MAF: variants seen among roughly 807,000 people sequenced by gnomAD.
The protein encoded by MAF is MAF bZIP transcription factor.
A neutral mutation model predicts 22.0 loss-of-function variants in MAF; 10 were observed. That is an observed-to-expected ratio of 0.45 (90% CI 0.28 to 0.77). The LOEUF (loss-of-function observed/expected upper bound fraction) is 0.77, where lower values mean the gene tolerates loss of function less well. Ranked by LOEUF, MAF falls within the 30% of genes least tolerant of loss-of-function variation. MAF has a pLI of 0.12. For missense variants in MAF, 544 were observed against 548.4 expected (o/e 0.99, Z 0.08); for synonymous variants, 337 against 255.8 (o/e 1.32, Z -3.03).
chr16:79,493,142 T>TG, the MAF span, among the ~76,000 whole-genome samples: 454 of 122,750 alleles, frequency 3.7e-3, 3 homozygotes, highest in African/African-American at 0.023. Flanking sequence ...GTTTTTTTTT[T>TG]GTTTTGTTTT....
the MAF span, among the ~76,000 whole-genome samples, chr16:79,331,794 G>C: frequency 6.6e-6 from 1 of 152,038 alleles, no homozygotes; most frequent in Non-Finnish European, 1.5e-5. Flanking sequence ...CCTCCATTCA[G>C]AACCCACACT....
chr16:79,427,897 G>C, the MAF span, among the ~76,000 whole-genome samples: 2 of 151,948 alleles, frequency 1.3e-5, no homozygotes, highest in Admixed American at 6.6e-5. Flanking sequence ...TGGAACCTAG[G>C]GGATGCTTAA....
the MAF span, among the ~76,000 whole-genome samples, chr16:79,361,663 G>C: frequency 2.2e-3 from 339 of 152,106 alleles, 1 homozygote; most frequent in Non-Finnish European, 3.4e-3. Flanking sequence ...GAGAAATTAC[G>C]TCTGCACGAA....
At chr16:79,375,658 TC>T in the MAF span, among the ~76,000 whole-genome samples, 1 of 152,198 alleles carries the variant, frequency 6.6e-6, no homozygotes, top group Non-Finnish European at 1.5e-5. Flanking sequence ...CCCAGGCACT[TC>T]CCTGGGCATT....
chr16:79,275,148 G>A, the MAF span, among the ~76,000 whole-genome samples: 1 of 152,290 alleles, frequency 6.6e-6, no homozygotes, highest in African/African-American at 2.4e-5. Flanking sequence ...TTGAGATCAG[G>A]AGTCTGAGAC....
chr16:79,511,320 T>A, the MAF span, among the ~76,000 whole-genome samples: 5 of 152,278 alleles, frequency 3.3e-5, no homozygotes, highest in South Asian at 2.1e-4. Context: ...ATGTATTTTT[T>A]AAAATACTAG....
chr16:79,299,357 A>G, the MAF span, among the ~76,000 whole-genome samples: 1 of 151,080 alleles, frequency 6.6e-6, no homozygotes, highest in African/African-American at 2.4e-5. Flanking sequence ...GAAAAAAAAA[A>G]AAAAAGAAAA....
In MAF at chr16:79,600,200, G is replaced by A. The variant is rs1567569156; in HGVS notation, c.-298C>T. 2.9e-6 allele frequency: 1 copy of A among 341,054 alleles called. No homozygotes were observed. Among genetic ancestry groups the A allele is most frequent in the South Asian group, 5.7e-5 (1 of 17,442 alleles). The allele number at this position is 341,054 out of a possible 1,614,324, so 21.1% of individuals were successfully genotyped here. A position where few individuals can be genotyped will look rare whatever the true frequency, so the allele number is the denominator to read the frequency against. On this transcript the variant is annotated 5_prime_UTR_variant, in exon 1 of 2. Transcript: ENST00000326043. ...CTTGCGCGCCGAGCCGGCGGCTTCAGGCTCGGGAAGATCCTCCGCGAGCTG... is the reference window on the plus strand; with the variant it reads ...CTTGCGCGCCGAGCCGGCGGCTTCAAGCTCGGGAAGATCCTCCGCGAGCTG...
the MAF span, among the ~76,000 whole-genome samples, chr16:79,322,500 TA>T: frequency 6.6e-6 from 1 of 152,058 alleles, no homozygotes; most frequent in Admixed American, 6.6e-5. Flanking sequence ...TTGCCACAGA[TA>T]AAAAGAAAGA....
chr16:79,484,018 G>C, the MAF span, among the ~76,000 whole-genome samples: 5 of 152,088 alleles, frequency 3.3e-5, no homozygotes, highest in African/African-American at 7.2e-5. Context: ...GAGGGCAAGG[G>C]ATCAGGCTAG....
chr16:79,417,628 C>T, the MAF span, among the ~76,000 whole-genome samples: 2 of 152,124 alleles, frequency 1.3e-5, no homozygotes, highest in Non-Finnish European at 2.9e-5. Context: ...GTCCCCAGCC[C>T]TACCGAGCCT....
chr16:79,287,457 G>A, the MAF span, among the ~76,000 whole-genome samples: 1 of 152,214 alleles, frequency 6.6e-6, no homozygotes, highest in Non-Finnish European at 1.5e-5. Context: ...GCAGCTGGCG[G>A]TAAAGACCTT....
the MAF span, among the ~76,000 whole-genome samples, chr16:79,551,656 G>C: frequency 0.011 from 1,737 of 152,198 alleles, 28 homozygotes; most frequent in African/African-American, 0.04. Flanking sequence ...GTGCAGCCCA[G>C]GAGCTCAAAA....
the MAF span, among the ~76,000 whole-genome samples, chr16:79,310,840 G>A: frequency 3.9e-5 from 6 of 152,084 alleles, no homozygotes; most frequent in Admixed American, 3.3e-4. Flanking sequence ...GAGTCTTGTC[G>A]CATTATTTAA....
chr16:79,594,827 C>G (rs1567562639), intron 1 of MAF: 2 of 1,248,532 alleles, frequency 1.6e-6, no homozygotes, highest in East Asian at 3.5e-5. Flanking sequence ...GCCAGCCACT[C>G]AAACCTCATT....
At chr16:79,470,671 A>T in the MAF span, among the ~76,000 whole-genome samples, 1 of 152,196 alleles carries the variant, frequency 6.6e-6, no homozygotes, top group Non-Finnish European at 1.5e-5. Flanking sequence ...CTGAGACTTA[A>T]AGAGTTTAAG....
chr16:79,266,969 G>A, the MAF span, among the ~76,000 whole-genome samples: 1 of 152,194 alleles, frequency 6.6e-6, no homozygotes, highest in Non-Finnish European at 1.5e-5. Context: ...ACAGCATGGA[G>A]CACATGGCAG....
At chr16:79,494,664 T>A in the MAF span, among the ~76,000 whole-genome samples, 1 of 152,286 alleles carries the variant, frequency 6.6e-6, no homozygotes, top group South Asian at 2.1e-4. Context: ...ACACCAAATG[T>A]GTAGGAGTTT....
the MAF span, among the ~76,000 whole-genome samples, chr16:79,302,781 C>G: frequency 3.9e-5 from 6 of 152,244 alleles, no homozygotes; most frequent in Non-Finnish European, 7.3e-5. Flanking sequence ...ACCTTGGCGA[C>G]AGTCATCCAC....
Sources: allele counts gnomAD v4.1 joint callset (sites outside exome capture counted in the v4.1 genomes callset), GRCh38; gene constraint gnomAD v4.1.1; transcripts MANE v1.5; gene names NCBI Gene and HGNC (gene_info 2026-07-23, HGNC 2026-07-21).